Variants in P3H2 observed in about 807,000 individuals in gnomAD.
P3H2 encodes leprecan-like 1.
In P3H2, 80 loss-of-function variants were observed where a neutral mutation model predicts 87.0. The ratio of observed to expected loss-of-function variants is 0.92; its 90% CI spans 0.77 to 1.11. The LOEUF (loss-of-function observed/expected upper bound fraction) is 1.11, where lower values mean the gene tolerates loss of function less well. Among genes scored for constraint, P3H2 ranks in the 50% least tolerant of loss-of-function variants. The pLI, the probability that P3H2 is intolerant of heterozygous loss-of-function variation, is 0.00. For synonymous variants in P3H2, 367 were observed against 359.3 expected (o/e 1.02, Z -0.24); for missense variants, 1,001 against 923.9 (o/e 1.08, Z -1.08).
chr3:190,003,459 G>A lies in P3H2; in HGVS notation c.481-8017C>T, dbSNP rs1039061217. On this transcript the variant is annotated intron_variant, in intron 1 of 14. Transcript: ENST00000319332. ...CAGAACTTTTAAACATACTATTTCC[G>A]ATTAGAGACTATTAAAAATGAAATG... Among the ~76,000 whole-genome samples, 4 of 149,478 alleles carry A rather than the reference G, an allele frequency of 2.7e-5. No individual in the cohort carries two copies. The South Asian group carries it at 8.4e-4, about 31-fold the overall frequency.
chr3:190,002,560 C>T (rs1165276575), intron 1 of P3H2, among the ~76,000 whole-genome samples: 1 of 151,998 alleles, frequency 6.6e-6, no homozygotes, highest in African/African-American at 2.4e-5. Flanking sequence ...GCCAACACAC[C>T]CGGCTAATTT....
At chr3:190,088,052 C>T (rs1727284578) in intron 1 of P3H2, among the ~76,000 whole-genome samples, 2 of 152,098 alleles carry the variant, frequency 1.3e-5, no homozygotes, top group South Asian at 4.1e-4. Context: ...TTTGGCTTTA[C>T]TCAAGGTAAG....
intron 13 of P3H2, among the ~76,000 whole-genome samples, chr3:189,966,948 T>G (rs1432777208): frequency 6.6e-6 from 1 of 152,242 alleles, no homozygotes; most frequent in African/African-American, 2.4e-5. Flanking sequence ...TTCCAGATTT[T>G]TCCAAAGTAA....
rs549303791 is a variant in P3H2, at chr3:190,011,911, T to A, written c.481-16469A>T. Among the ~76,000 whole-genome samples the A allele has an allele frequency of 2.6e-5, 4 of 152,340 alleles. No homozygotes were observed. The East Asian group carries it at 7.7e-4, about 29-fold the overall frequency. On this transcript the variant is annotated intron_variant, in intron 1 of 14. Coordinates refer to ENST00000319332, the MANE Select transcript of P3H2 (RefSeq NM_018192.4). ...AAAAATGTTATACATCAAATGTTAA[T>A]GGTCATGATATCCACATGGAGAAAT...
At chr3:190,049,202 C>T (rs547854055) in intron 1 of P3H2, among the ~76,000 whole-genome samples, 26 of 152,184 alleles carry the variant, frequency 1.7e-4, no homozygotes, top group African/African-American at 3.4e-4. Flanking sequence ...AGATCAGGAT[C>T]GGGGAGTGTT....
chr3:190,025,114 T>C (rs889337740), intron 1 of P3H2, among the ~76,000 whole-genome samples: 28 of 152,146 alleles, frequency 1.8e-4, no homozygotes. Flanking sequence ...GCCTACGAAA[T>C]GGGGGCTTCC....
At chr3:189,969,457 C>G (rs755088599) in intron 13 of P3H2, 144 of 878,584 alleles carry the variant, frequency 1.6e-4, no homozygotes, top group Non-Finnish European at 2.6e-4. Flanking sequence ...GAATATGGCA[C>G]ACTCCTCTAG....
At position 190,004,182 on chromosome 3, in the gene P3H2, T is replaced by A. The variant is rs117561745; in HGVS notation, c.481-8740A>T. ...ATAAAAATTGCATTTGTCATATAGG[T>A]TGTATGTTTTATATAGTTGGCAAAG... On this transcript the variant is annotated intron_variant, in intron 1 of 14. Transcript: ENST00000319332. Among the ~76,000 whole-genome samples the A allele has an allele frequency of 1.7e-3, 256 of 152,258 alleles. 12 individuals carry two copies. The East Asian group carries it at 0.043, about 26-fold the overall frequency.
intron 1 of P3H2, among the ~76,000 whole-genome samples, chr3:190,001,730 C>A (rs887719040): frequency 1.3e-5 from 2 of 151,980 alleles, no homozygotes; most frequent in Non-Finnish European, 2.9e-5. Context: ...TTTGATGAAC[C>A]TGTAAGATGT....
At chr3:189,965,861 C>G (rs1386403375) in intron 13 of P3H2, among the ~76,000 whole-genome samples, 2 of 151,370 alleles carry the variant, frequency 1.3e-5, no homozygotes, top group Non-Finnish European at 2.9e-5. Flanking sequence ...TGGTGGGTGC[C>G]TGTGATCCCA....
At chr3:190,015,777 T>C (rs1371021577) in intron 1 of P3H2, among the ~76,000 whole-genome samples, 1 of 152,210 alleles carries the variant, frequency 6.6e-6, no homozygotes, top group Non-Finnish European at 1.5e-5. Flanking sequence ...GTTGAACCAG[T>C]GCCCTTGGAG....
intron 1 of P3H2, among the ~76,000 whole-genome samples, chr3:190,044,903 G>A (rs916282230): frequency 3.3e-5 from 5 of 152,270 alleles, no homozygotes; most frequent in South Asian, 2.1e-4. Context: ...GTGTGAAATC[G>A]CTAAGATTAA....
At chr3:190,009,069 C>T (rs75191816) in intron 1 of P3H2, among the ~76,000 whole-genome samples, 236 of 152,162 alleles carry the variant, frequency 1.6e-3, no homozygotes, top group African/African-American at 5.3e-3. Context: ...TTTCAACAGG[C>T]AGAGGTGCTG....
intron 1 of P3H2, among the ~76,000 whole-genome samples, chr3:190,047,833 T>C (rs1028418807): frequency 4.6e-5 from 7 of 152,150 alleles, no homozygotes. Flanking sequence ...AAAATACAGT[T>C]AGATAGAAGG....
rs139093934 is a variant in P3H2, at chr3:190,075,087, A to G, written c.480+45165T>C. Among the ~76,000 whole-genome samples the G allele has an allele frequency of 4.9e-4, 74 of 152,366 alleles. 3 individuals are homozygous for G. The highest frequency in any genetic ancestry group is 1.7e-3 in the African/African-American group (70 of 41,584). On this transcript the variant is annotated intron_variant, in intron 1 of 14. Coordinates refer to ENST00000319332, the MANE Select transcript of P3H2 (RefSeq NM_018192.4). ...ATATAATGAGAGTGATGCTATGGCC[A>G]ATACAGAGGCAAAACTGACAGAGAT... is the stretch of plus-strand genomic sequence containing the variant.
intron 1 of P3H2, among the ~76,000 whole-genome samples, chr3:190,021,345 T>G (rs1724922462): frequency 7.4e-6 from 1 of 135,294 alleles, no homozygotes. Context: ...CTCTATTTTT[T>G]GTCATTTCCT....
At chr3:189,992,490 T>G (rs1666432) in intron 3 of P3H2, among the ~76,000 whole-genome samples, 1 of 152,120 alleles carries the variant, frequency 6.6e-6, no homozygotes, top group Non-Finnish European at 1.5e-5. Flanking sequence ...TGAAGTTGAA[T>G]GTTGCTTTTC....
intron 1 of P3H2, among the ~76,000 whole-genome samples, chr3:190,007,965 C>CACACACACACACATATATATATATAT: frequency 4.6e-4 from 43 of 94,350 alleles, no homozygotes; most frequent in African/African-American, 1.6e-3. Flanking sequence ...TGTTGACACA[C>CACACACACACACATATATATATATAT]ATATATATAT....
At chr3:189,969,692 A>AT (rs948277531) in intron 13 of P3H2, 2 of 1,325,724 alleles carry the variant, frequency 1.5e-6, no homozygotes, top group African/African-American at 2.9e-5. Context: ...CCTTGCAAGG[A>AT]GGACACAATC....
Sources: gnomAD v4.1 joint callset for allele counts (sites outside exome capture counted in the v4.1 genomes callset) on GRCh38, gnomAD v4.1.1 for gene constraint, MANE v1.5 for transcripts, NCBI Gene and HGNC (gene_info 2026-07-23, HGNC 2026-07-21) for gene names.